The following SHC4 variants were observed in gnomAD, a reference collection of about 807,000 sequenced individuals.
SHC4 encodes the protein SHC-transforming protein 4.
SHC4 carries 41 observed loss-of-function variants against 69.4 expected under a neutral mutation model. That is an observed-to-expected ratio of 0.59 (90% confidence interval 0.46 to 0.77). The LOEUF is 0.77. Among genes scored for constraint, SHC4 ranks in the 30% least tolerant of loss-of-function variants. The pLI is 0.00. For missense variants in SHC4, 777 were observed against 783.8 expected (o/e 0.99, Z 0.10); for synonymous variants, 318 against 299.3 (o/e 1.06, Z -0.64).
chr15:48,878,679 T>C (rs1899879294), intron 4 of SHC4: 2 of 1,614,042 alleles, frequency 1.2e-6, no homozygotes, highest in East Asian at 2.2e-5. Flanking sequence ...CTTTTTTCAC[T>C]GATGGTTGTC....
intron 1 of SHC4, among the ~76,000 whole-genome samples, chr15:48,926,891 G>A (rs1900863401): frequency 6.6e-6 from 1 of 152,152 alleles, no homozygotes; most frequent in African/African-American, 2.4e-5. Flanking sequence ...CCAGACTCCT[G>A]TTAGTCACAC....
At position 48,857,187 on chromosome 15, in the gene SHC4, C is replaced by T. The variant is rs1426114339; in HGVS notation, c.1070+505G>A. ...TTAGAACAACCAAATCCTTGGGTCC[C>T]ACCGTGTTCCACTCTAACCACAGTT... On this transcript the variant is annotated intron_variant, in intron 7 of 11. Coordinates refer to ENST00000332408, the MANE Select transcript of SHC4 (RefSeq NM_203349.4). Among the ~76,000 whole-genome samples the T allele has an allele frequency of 2.0e-5, 3 of 152,172 alleles. No homozygotes were observed. The East Asian group carries it at 5.8e-4, about 29-fold the overall frequency.
At chr15:48,948,155 ACT>A (rs1901306747) in intron 1 of SHC4, 1 of 152,122 alleles carries the variant, frequency 6.6e-6, no homozygotes, top group Non-Finnish European at 1.5e-5. Context: ...GCCCTGGGAC[ACT>A]CTCTATATAT....
At chr15:48,873,285 G>A (rs1174249225) in intron 4 of SHC4, among the ~76,000 whole-genome samples, 2 of 152,204 alleles carry the variant, frequency 1.3e-5, no homozygotes, top group Non-Finnish European at 2.9e-5. Context: ...CAGGAAGAAG[G>A]GGCAAAAGAT....
chr15:48,831,612 G>A (rs1019445331), intron 11 of SHC4, among the ~76,000 whole-genome samples: 1 of 152,062 alleles, frequency 6.6e-6, no homozygotes, highest in African/African-American at 2.4e-5. Flanking sequence ...TACTATCTAG[G>A]TTTGTGTACA....
chr15:48,847,023 T>C (rs1029917397), intron 9 of SHC4, among the ~76,000 whole-genome samples: 90 of 124,608 alleles, frequency 7.2e-4, no homozygotes, highest in Admixed American at 3.1e-3. Context: ...TGCCATCCCC[T>C]TTTTTTTTTT....
chr15:48,827,183 T>A (rs905741432), intron 11 of SHC4, among the ~76,000 whole-genome samples: 3 of 152,224 alleles, frequency 2.0e-5, no homozygotes, highest in Admixed American at 6.5e-5. Context: ...CCAGCTCTCC[T>A]ACAAGGGATT....
intron 4 of SHC4, chr15:48,878,872 A>G: frequency 1.3e-6 from 1 of 743,990 alleles, no homozygotes; most frequent in Non-Finnish European, 2.2e-6. Flanking sequence ...TTCAGAATAG[A>G]ACACAATAGG....
At chr15:48,841,614 T>G (rs1034172675) in intron 10 of SHC4, among the ~76,000 whole-genome samples, 2 of 152,208 alleles carry the variant, frequency 1.3e-5, no homozygotes, top group African/African-American at 4.8e-5. Context: ...GTAGGACAAC[T>G]CCGACAGACC....
chr15:48,916,692 C>T (rs991501331), intron 2 of SHC4, among the ~76,000 whole-genome samples: 1 of 152,154 alleles, frequency 6.6e-6, no homozygotes, highest in African/African-American at 2.4e-5. Flanking sequence ...GGAGCACTCA[C>T]CACCCATTCT....
intron 8 of SHC4, among the ~76,000 whole-genome samples, chr15:48,852,411 A>C (rs1021105551): frequency 1.3e-4 from 20 of 152,256 alleles, no homozygotes; most frequent in African/African-American, 4.8e-4. Context: ...AGCAAATATA[A>C]TAAAATGTTA....
intron 4 of SHC4, chr15:48,878,128 G>T: frequency 6.6e-7 from 1 of 1,510,976 alleles, no homozygotes; most frequent in Non-Finnish European, 8.9e-7. Context: ...CGGCCGCGCA[G>T]CATCTGTCTT....
chr15:48,882,123 G>A (rs77276179), intron 4 of SHC4, among the ~76,000 whole-genome samples: 6,869 of 152,096 alleles, frequency 0.045, 317 homozygotes, highest in East Asian at 0.22. Flanking sequence ...TCCTTTTCTT[G>A]TGCTGTATCC....
At chr15:48,929,635 C>T (rs1436473350) in intron 1 of SHC4, among the ~76,000 whole-genome samples, 1 of 152,162 alleles carries the variant, frequency 6.6e-6, no homozygotes, top group Non-Finnish European at 1.5e-5. Context: ...CCCAGGAACA[C>T]GGTGAACAGT....
At chr15:48,856,364 G>A (rs116405812) in intron 7 of SHC4, among the ~76,000 whole-genome samples, 24 of 152,238 alleles carry the variant, frequency 1.6e-4, no homozygotes, top group African/African-American at 5.8e-4. Context: ...ATGCTTTTGT[G>A]TCTCCTCCAG....
At chr15:48,927,379 G>T (rs1217499858) in intron 1 of SHC4, among the ~76,000 whole-genome samples, 1 of 152,184 alleles carries the variant, frequency 6.6e-6, no homozygotes, top group East Asian at 1.9e-4. Context: ...TTGGTGAGGA[G>T]GTGGGTATCA....
At chr15:48,881,654 G>A (rs1225508803) in intron 4 of SHC4, among the ~76,000 whole-genome samples, 1 of 152,202 alleles carries the variant, frequency 6.6e-6, no homozygotes, top group East Asian at 1.9e-4. Context: ...TGTTAGAGTT[G>A]TAGAAATCAG....
intron 1 of SHC4, among the ~76,000 whole-genome samples, chr15:48,956,413 T>C (rs895395676): frequency 1.3e-5 from 2 of 152,178 alleles, no homozygotes; most frequent in African/African-American, 4.8e-5. Flanking sequence ...TGGCAAGGCC[T>C]TTTTCTCTTG....
At chr15:48,924,287 T>C (rs1275124614) in intron 2 of SHC4, among the ~76,000 whole-genome samples, 1 of 152,206 alleles carries the variant, frequency 6.6e-6, no homozygotes, top group Non-Finnish European at 1.5e-5. Flanking sequence ...TTTCCGTCCT[T>C]GCTTTGGGCT....
Sources: allele counts gnomAD v4.1 joint callset (sites outside exome capture counted in the v4.1 genomes callset), GRCh38; gene constraint gnomAD v4.1.1; transcripts MANE v1.5; gene names NCBI Gene and HGNC (gene_info 2026-07-23, HGNC 2026-07-21).